The following ARB2A variants were observed in gnomAD, a reference collection of about 807,000 sequenced individuals.
ARB2A encodes the protein cotranscriptional regulator ARB2A.
At chr5:94,057,927 G>C in the ARB2A span, among the ~76,000 whole-genome samples, 1 of 152,278 alleles carries the variant, frequency 6.6e-6, no homozygotes, top group East Asian at 1.9e-4. Context: ...TTTGGAAGCA[G>C]AGAAGGAGCG....
the ARB2A span, among the ~76,000 whole-genome samples, chr5:94,101,313 C>T: frequency 2.0e-5 from 3 of 152,112 alleles, no homozygotes; most frequent in South Asian, 2.1e-4. Flanking sequence ...CAGATGCCTG[C>T]GAAGTTGTGG....
At chr5:94,032,385 A>AG in the ARB2A span, among the ~76,000 whole-genome samples, 2 of 152,176 alleles carry the variant, frequency 1.3e-5, no homozygotes, top group Admixed American at 1.3e-4. Flanking sequence ...ACAGATGAGG[A>AG]GGGGTGCCAA....
chr5:93,863,720 T>C, the ARB2A span: 4 of 152,256 alleles, frequency 2.6e-5, no homozygotes, highest in African/African-American at 9.6e-5. Flanking sequence ...AAGCAACTAT[T>C]TGTTGCATAA....
At chr5:93,748,397 A>G in the ARB2A span, among the ~76,000 whole-genome samples, 1 of 152,136 alleles carries the variant, frequency 6.6e-6, no homozygotes, top group African/African-American at 2.4e-5. Flanking sequence ...CTGCTGTATA[A>G]TATCTCAGGA....
chr5:93,786,151 T>C, the ARB2A span, among the ~76,000 whole-genome samples: 1 of 152,220 alleles, frequency 6.6e-6, no homozygotes, highest in East Asian at 1.9e-4. Context: ...TCGGATTTTG[T>C]TGTGGTTGTT....
chr5:94,049,337 C>A, the ARB2A span, among the ~76,000 whole-genome samples: 1 of 152,178 alleles, frequency 6.6e-6, no homozygotes, highest in Non-Finnish European at 1.5e-5. Context: ...TATCAATATT[C>A]TTCACACAAA....
the ARB2A span, among the ~76,000 whole-genome samples, chr5:93,627,731 T>C: frequency 6.6e-6 from 1 of 152,176 alleles, no homozygotes; most frequent in Non-Finnish European, 1.5e-5. Context: ...TGAGCCACCA[T>C]GCCCAGCCAC....
the ARB2A span, among the ~76,000 whole-genome samples, chr5:93,857,807 G>A: frequency 2.6e-4 from 39 of 152,254 alleles, no homozygotes; most frequent in Non-Finnish European, 4.1e-4. Context: ...CTGCGCCCAC[G>A]GTCTGGCACT....
chr5:93,804,215 A>T, the ARB2A span, among the ~76,000 whole-genome samples: 1 of 152,026 alleles, frequency 6.6e-6, no homozygotes, highest in Admixed American at 6.6e-5. Context: ...AACAGACACA[A>T]ATGACAGGAT....
At chr5:94,045,148 AT>A in the ARB2A span, among the ~76,000 whole-genome samples, 1 of 151,164 alleles carries the variant, frequency 6.6e-6, no homozygotes, top group South Asian at 2.1e-4. Context: ...AACAACCAAA[AT>A]AAAAAGGAAG....
the ARB2A span, among the ~76,000 whole-genome samples, chr5:94,072,406 T>C: frequency 6.6e-6 from 1 of 151,792 alleles, no homozygotes; most frequent in Admixed American, 6.6e-5. Flanking sequence ...TAATGGAAAT[T>C]GAATAATGAC....
chr5:93,915,795 T>G, the ARB2A span, among the ~76,000 whole-genome samples: 1 of 151,966 alleles, frequency 6.6e-6, no homozygotes, highest in Non-Finnish European at 1.5e-5. Context: ...TAAAAGAGAA[T>G]GAAGATGATA....
chr5:93,982,268 C>T, the ARB2A span, among the ~76,000 whole-genome samples: 4 of 152,062 alleles, frequency 2.6e-5, no homozygotes, highest in Admixed American at 1.3e-4. Flanking sequence ...AAATTCCTTG[C>T]GCTGATGTCA....
At chr5:93,760,624 C>G in the ARB2A span, among the ~76,000 whole-genome samples, 1 of 152,196 alleles carries the variant, frequency 6.6e-6, no homozygotes, top group South Asian at 2.1e-4. Context: ...TGATCTTTGA[C>G]AAAGCAAACA....
the ARB2A span, among the ~76,000 whole-genome samples, chr5:93,870,346 A>G: frequency 6.6e-6 from 1 of 152,178 alleles, no homozygotes; most frequent in East Asian, 1.9e-4. Flanking sequence ...CGATTTCTCT[A>G]TTTCAGTTTA....
At chr5:93,621,297 AC>A in the ARB2A span, among the ~76,000 whole-genome samples, 8 of 144,994 alleles carry the variant, frequency 5.5e-5, no homozygotes, top group African/African-American at 1.8e-4. Context: ...CTCAGCCAGG[AC>A]CCCCGCCCCC....
chr5:93,923,366 G>A, the ARB2A span, among the ~76,000 whole-genome samples: 1 of 152,134 alleles, frequency 6.6e-6, no homozygotes, highest in Non-Finnish European at 1.5e-5. Flanking sequence ...TTGCAGAGCA[G>A]TTGAATATCT....
At chr5:93,887,554 T>C in the ARB2A span, among the ~76,000 whole-genome samples, 23 of 151,648 alleles carry the variant, frequency 1.5e-4, no homozygotes, top group East Asian at 4.1e-3. Context: ...AAGAATAATT[T>C]ACAAAAACAA....
the ARB2A span, among the ~76,000 whole-genome samples, chr5:94,036,228 T>C: frequency 6.6e-6 from 1 of 152,204 alleles, no homozygotes. Context: ...GGGTATTCTT[T>C]AAGCACATCA....
Sources: allele counts gnomAD v4.1 joint callset (sites outside exome capture counted in the v4.1 genomes callset), GRCh38; gene constraint gnomAD v4.1.1; transcripts MANE v1.5; gene names NCBI Gene and HGNC (gene_info 2026-07-23, HGNC 2026-07-21).